The following NEXN variants were observed in gnomAD, a reference collection of about 807,000 sequenced individuals.
The protein encoded by NEXN is nexilin.
In NEXN, 65 loss-of-function variants were observed where a neutral mutation model predicts 92.6. The observed-to-expected ratio is 0.70, with a 90% CI of 0.57 to 0.86. The LOEUF is 0.86. Ranked by LOEUF, NEXN falls within the 40% of genes least tolerant of loss-of-function variation. The pLI, the probability that NEXN is intolerant of heterozygous loss-of-function variation, is 0.00. For missense variants in NEXN, 778 were observed against 771.1 expected (o/e 1.01, Z -0.11); for synonymous variants, 254 against 242.5 (o/e 1.05, Z -0.44).
At chr1:77,910,382 G>A (rs1648462469) in intron 1 of NEXN, among the ~76,000 whole-genome samples, 1 of 152,102 alleles carries the variant, frequency 6.6e-6, no homozygotes, top group Non-Finnish European at 1.5e-5. Flanking sequence ...GGAAAAAGTA[G>A]AACTGTGCTC....
intron 1 of NEXN, among the ~76,000 whole-genome samples, chr1:77,893,776 T>G (rs1360768171): frequency 6.6e-6 from 1 of 152,150 alleles, no homozygotes; most frequent in African/African-American, 2.4e-5. Flanking sequence ...TTATTTATAC[T>G]TATTGCGGAA....
At chr1:77,914,147 G>A (rs1390269295) in intron 1 of NEXN, among the ~76,000 whole-genome samples, 3 of 152,112 alleles carry the variant, frequency 2.0e-5, no homozygotes, top group African/African-American at 7.2e-5. Flanking sequence ...GTGCAATACT[G>A]TAATGATGGA....
intron 11 of NEXN, among the ~76,000 whole-genome samples, chr1:77,939,678 T>C (rs548157770): frequency 1.3e-5 from 2 of 152,346 alleles, no homozygotes; most frequent in African/African-American, 2.4e-5. Flanking sequence ...GCTGAACTTT[T>C]ATACCCTATC....
intron 1 of NEXN, among the ~76,000 whole-genome samples, chr1:77,900,694 C>A (rs1302811979): frequency 2.6e-5 from 4 of 152,164 alleles, no homozygotes; most frequent in Non-Finnish European, 5.9e-5. Flanking sequence ...TGTTAGAATG[C>A]CATTACTAAA....
chr1:77,889,102 T>G (rs1647042546), intron 1 of NEXN: 1 of 152,840 alleles, frequency 6.5e-6, no homozygotes, highest in South Asian at 2.1e-4. Context: ...TTCGGGTGCG[T>G]TCCCTACTGT....
chr1:77,923,857 T>G (rs1157701766), intron 5 of NEXN, among the ~76,000 whole-genome samples: 1 of 151,888 alleles, frequency 6.6e-6, no homozygotes, highest in African/African-American at 2.4e-5. Flanking sequence ...TTTCTATTTT[T>G]AGTAGAGACG....
intron 2 of NEXN, among the ~76,000 whole-genome samples, chr1:77,917,355 T>C (rs1217440612): frequency 6.6e-6 from 1 of 152,154 alleles, no homozygotes; most frequent in Non-Finnish European, 1.5e-5. Context: ...ACAGTGAAAT[T>C]TCTACTCTCA....
At chr1:77,915,445 C>A (rs984580473) in intron 1 of NEXN, among the ~76,000 whole-genome samples, 2 of 152,034 alleles carry the variant, frequency 1.3e-5, no homozygotes, top group African/African-American at 4.8e-5. Context: ...CTGGCTAACA[C>A]GGTGAAACCC....
In NEXN at chr1:77,893,600, A is replaced by C. The variant is rs955149842; in HGVS notation, c.-53+4841A>C. 3.3e-5 allele frequency among the ~76,000 whole-genome samples: 5 copies of C among 152,222 alleles called. No homozygotes were observed. In the South Asian group the frequency reaches 1.0e-3, roughly 32 times the overall value. The stretch of plus-strand genomic sequence containing the variant: ...ACAGTTTTCCTGTTATCTCTTTGTC[A>C]TTCATTCACTAGCTCAAATACGAAT... On this transcript the variant is annotated intron_variant, in intron 1 of 12. Coordinates refer to ENST00000334785, the MANE Select transcript of NEXN (RefSeq NM_144573.4).
At chr1:77,929,852 G>A (rs939605551) in intron 9 of NEXN, among the ~76,000 whole-genome samples, 4 of 152,008 alleles carry the variant, frequency 2.6e-5, no homozygotes, top group Non-Finnish European at 4.4e-5. Flanking sequence ...CCATTCTTTC[G>A]CCACCTCCTT....
intron 1 of NEXN, among the ~76,000 whole-genome samples, chr1:77,901,191 A>C (rs1229531232): frequency 1.3e-5 from 2 of 152,112 alleles, no homozygotes; most frequent in African/African-American, 4.8e-5. Context: ...TTCCAACTAC[A>C]TATTAGTATA....
chr1:77,891,285 T>A (rs1456155304), intron 1 of NEXN, among the ~76,000 whole-genome samples: 1 of 152,186 alleles, frequency 6.6e-6, no homozygotes, highest in Non-Finnish European at 1.5e-5. Flanking sequence ...GCTCTTGTAA[T>A]CTGACACTCT....
At chr1:77,926,297 T>A in intron 6 of NEXN, 117 bp from the exon 7 acceptor site, 1 of 664,306 alleles carries the variant, frequency 1.5e-6, no homozygotes, top group South Asian at 1.9e-5. Flanking sequence ...TAAAAAAATG[T>A]TCTTCATAAT....
At chr1:77,925,326 T>C in intron 6 of NEXN, 97 bp downstream of exon 6, 7 of 860,882 alleles carry the variant, frequency 8.1e-6, no homozygotes, top group Non-Finnish European at 1.3e-5. Flanking sequence ...GCTTTTATTA[T>C]TTTTATTATA....
intron 1 of NEXN, among the ~76,000 whole-genome samples, chr1:77,911,718 C>T (rs896362420): frequency 6.7e-6 from 1 of 148,322 alleles, no homozygotes; most frequent in Non-Finnish European, 1.5e-5. Context: ...GACTTGGGTC[C>T]TATCCCCAAG....
chr1:77,896,757 T>A (rs1418951668), intron 1 of NEXN, among the ~76,000 whole-genome samples: 2 of 149,974 alleles, frequency 1.3e-5, no homozygotes, highest in African/African-American at 4.9e-5. Context: ...AGACTCTGTC[T>A]AATTAAAAAA....
At position 77,942,096 on chromosome 1, in the gene NEXN, G is replaced by A; in HGVS notation, c.1547G>A (p.Arg516Lys). The change falls in exon 12 of 13, where the codon AGA becomes AAA. Residue 516 changes from arginine (R) to lysine (K), a missense_variant. Physicochemically the swap from Arg to Lys is conservative, Grantham distance 26 (BLOSUM62 2). Around this residue, in one of 3 missense-constraint regions of NEXN, gnomAD observed 532 missense variants for 476.7 expected, o/e 1.12. Coordinates refer to ENST00000334785, the MANE Select transcript of NEXN (RefSeq NM_144573.4). ...ACTCACAAAGTGAATATGAAAGCTA[G>A]ATTTGAACAAATGGCTAAGGCAAGA... ...PFTHKVNMKA[R>K]FEQMAKAREE... The A allele has an allele frequency of 6.2e-7, 1 of 1,613,682 alleles. No homozygotes were observed. The highest frequency in any genetic ancestry group is 8.5e-7 in the Non-Finnish European group (1 of 1,179,714).
At chr1:77,928,118 G>A (rs931780628) in intron 8 of NEXN, among the ~76,000 whole-genome samples, 1 of 151,998 alleles carries the variant, frequency 6.6e-6, no homozygotes, top group Admixed American at 6.6e-5. Context: ...AGACCAGCCT[G>A]AGCAACATGT....
rs557779352 is a variant in NEXN at position 77,943,277 on chromosome 1, T to C, written c.*448T>C. The stretch of plus-strand genomic sequence containing the variant: ...CAAACCTAAGTAGAATACATTATTT[T>C]GCATGAAGGAATGTCATTTCTGAGC... On this transcript the variant is annotated 3_prime_UTR_variant, in exon 13 of 13. Coordinates refer to ENST00000334785, the MANE Select transcript of NEXN (RefSeq NM_144573.4). 1 of 178,040 alleles carries C rather than the reference T, an allele frequency of 5.6e-6. No homozygotes were observed. Among genetic ancestry groups the C allele is most frequent in the Non-Finnish European group, 1.2e-5 (1 of 83,266 alleles). 11.0% of individuals were successfully genotyped at this position (178,040 alleles called of 1,614,324 possible).
Sources: allele counts gnomAD v4.1 joint callset (sites outside exome capture counted in the v4.1 genomes callset), GRCh38; gene constraint gnomAD v4.1.1; regional missense constraint gnomAD v4.1.1; transcripts MANE v1.5; gene names NCBI Gene and HGNC (gene_info 2026-07-23, HGNC 2026-07-21).